Variants in ANO4 observed in about 807,000 individuals in gnomAD.
The protein encoded by ANO4 is anoctamin 4, also known as anoctamin-4.
ANO4 carries 69 observed loss-of-function variants against 141.9 expected under a neutral mutation model. That is an observed-to-expected ratio of 0.49 (90% CI 0.40 to 0.59). The LOEUF (loss-of-function observed/expected upper bound fraction) is 0.59. Among genes scored for constraint, ANO4 ranks in the 20% least tolerant of loss-of-function variants. ANO4 has a pLI of 0.00. For synonymous variants in ANO4, 350 were observed against 394.3 expected (o/e 0.89, Z 1.33); for missense variants, 894 against 1,162.2 (o/e 0.77, Z 3.36).
intron 15 of ANO4, among the ~76,000 whole-genome samples, chr12:101,081,053 A>T (rs2049258636): frequency 1.4e-5 from 2 of 143,308 alleles, no homozygotes; most frequent in South Asian, 4.3e-4. Context: ...GTGTGTATAC[A>T]TATATATTCT....
At chr12:101,122,395 T>A (rs2051133755) in intron 26 of ANO4, among the ~76,000 whole-genome samples, 2 of 152,194 alleles carry the variant, frequency 1.3e-5, no homozygotes, top group South Asian at 4.1e-4. Context: ...TTAATTAGAT[T>A]TGACTTAGCA....
chr12:100,777,123 C>T (rs2033542260), intron 3 of ANO4, among the ~76,000 whole-genome samples: 1 of 145,974 alleles, frequency 6.9e-6, no homozygotes, highest in African/African-American at 2.5e-5. Context: ...GACAGAGTCT[C>T]ACTTTGTCAC....
intron 1 of ANO4, among the ~76,000 whole-genome samples, chr12:100,806,523 C>CTTTTTTT (rs1593379234): frequency 0.041 from 1,841 of 44,950 alleles, 543 homozygotes; most frequent in South Asian, 0.056. Context: ...TTTTTTGTTT[C>CTTTTTTT]GTTTTTTTTT....
At chr12:101,066,957 T>G in intron 14 of ANO4, 3 of 666,500 alleles carry the variant, frequency 4.5e-6, no homozygotes, top group Non-Finnish European at 8.5e-6. Context: ...TTTGTGTGAC[T>G]ACATGACACT....
rs148556264 is a variant in ANO4, at chr12:101,065,347, G to A, written c.1313-13846G>A. Among the ~76,000 whole-genome samples the A allele has an allele frequency of 5.9e-3, 903 of 152,174 alleles. 12 individuals carry two copies. The highest frequency in any genetic ancestry group is 0.021 in the African/African-American group (871 of 41,520). ...GGGGACTAGTGTATATTCTGCTGTT[G>A]TTAATTATAGTGTTATCTAAATTTC... On this transcript the variant is annotated intron_variant, in intron 14 of 27. Transcript: ENST00000392977.
At chr12:100,737,426 C>A (rs533122697) in intron 2 of ANO4, among the ~76,000 whole-genome samples, 20 of 152,310 alleles carry the variant, frequency 1.3e-4, no homozygotes, top group Non-Finnish European at 7.4e-5. Flanking sequence ...TCTCACTAGG[C>A]AGGTCTGCGT....
chr12:100,800,106 A>C (rs936940008), intron 1 of ANO4, among the ~76,000 whole-genome samples: 2 of 152,166 alleles, frequency 1.3e-5, no homozygotes, highest in African/African-American at 4.8e-5. Context: ...ATGCATTTTT[A>C]TGTTGAAATT....
At chr12:101,074,141 T>TAACCTTA (rs1566209661) in intron 14 of ANO4, among the ~76,000 whole-genome samples, 1 of 152,200 alleles carries the variant, frequency 6.6e-6, no homozygotes, top group Non-Finnish European at 1.5e-5. Context: ...AATGCCTATG[T>TAACCTTA]TCATTAAGAT....
chr12:101,103,665 A>G (rs2050299536), intron 22 of ANO4, among the ~76,000 whole-genome samples: 1 of 151,906 alleles, frequency 6.6e-6, no homozygotes, highest in African/African-American at 2.4e-5. Flanking sequence ...ATATTTATAT[A>G]TACATTCATG....
intron 3 of ANO4, among the ~76,000 whole-genome samples, chr12:100,756,311 A>G (rs2032608764): frequency 6.6e-6 from 1 of 152,172 alleles, no homozygotes; most frequent in Non-Finnish European, 1.5e-5. Context: ...AGATTCAGGA[A>G]GAAATTGAAG....
intron 1 of ANO4, among the ~76,000 whole-genome samples, chr12:100,883,998 A>T (rs997832300): frequency 6.6e-6 from 1 of 152,236 alleles, no homozygotes; most frequent in Admixed American, 6.5e-5. Context: ...AAATGTAATT[A>T]AGTCAGTGCT....
chr12:100,793,011 A>G (rs1490785187), upstream of ANO4, among the ~76,000 whole-genome samples: 3 of 152,234 alleles, frequency 2.0e-5, no homozygotes, highest in African/African-American at 7.2e-5. Context: ...CTTTGAGGCT[A>G]AAGTCCAGCC....
At chr12:101,086,018 C>G (rs2049478478) in intron 16 of ANO4, among the ~76,000 whole-genome samples, 1 of 150,018 alleles carries the variant, frequency 6.7e-6, no homozygotes, top group East Asian at 2.0e-4. Context: ...TCATGAAGAA[C>G]TTTTATTATG....
rs769916474 is a variant in ANO4 at position 100,907,611 on chromosome 12, T to C, written c.55+5771T>C. On this transcript the variant is annotated intron_variant, in intron 2 of 27. Coordinates refer to ENST00000392977, the MANE Select transcript of ANO4 (RefSeq NM_001286615.2). ...TCTTAATAAATGATTTTATGTTGTT[T>C]GTCAAAATCTGTTCTACTCAGCAGA... Among the ~76,000 whole-genome samples, 21 of 152,196 alleles carry C rather than the reference T, an allele frequency of 1.4e-4. 1 individual carries two copies. The highest frequency in any genetic ancestry group is 2.4e-4 in the Non-Finnish European group (16 of 68,030).
intron 16 of ANO4, 84 bp downstream of exon 16, chr12:101,083,902 G>A (rs2049381738): frequency 5.5e-6 from 7 of 1,284,054 alleles, no homozygotes; most frequent in Non-Finnish European, 7.2e-6. Context: ...CATTTGCATT[G>A]TTCTACAAAA....
At chr12:100,966,844 C>G (rs1014075380) in intron 5 of ANO4, among the ~76,000 whole-genome samples, 4 of 141,574 alleles carry the variant, frequency 2.8e-5, no homozygotes, top group Non-Finnish European at 5.9e-5. Flanking sequence ...TATATACACA[C>G]ACACATATAC....
At chr12:100,817,575 AC>A (rs1163449545) in intron 1 of ANO4, among the ~76,000 whole-genome samples, 1 of 151,968 alleles carries the variant, frequency 6.6e-6, no homozygotes, top group Non-Finnish European at 1.5e-5. Flanking sequence ...GGATGGGAAA[AC>A]TTTATAGCCA....
intron 1 of ANO4, among the ~76,000 whole-genome samples, chr12:100,846,210 G>C (rs548990709): frequency 6.6e-6 from 1 of 152,288 alleles, no homozygotes; most frequent in Non-Finnish European, 1.5e-5. Flanking sequence ...TTAGTAGTAA[G>C]CTGAAAAACA....
chr12:100,746,784 T>G (rs2032132660), intron 3 of ANO4, among the ~76,000 whole-genome samples: 1 of 152,216 alleles, frequency 6.6e-6, no homozygotes, highest in African/African-American at 2.4e-5. Context: ...ACCTTGCCCT[T>G]GCAATGGGTC....
Sources: allele counts gnomAD v4.1 joint callset (sites outside exome capture counted in the v4.1 genomes callset), GRCh38; gene constraint gnomAD v4.1.1; transcripts MANE v1.5; gene names NCBI Gene and HGNC (gene_info 2026-07-23, HGNC 2026-07-21).